Variants in PDE11A observed in about 807,000 individuals in gnomAD.
PDE11A encodes the protein dual 3',5'-cyclic-AMP and -GMP phosphodiesterase 11A.
A neutral mutation model predicts 100.5 loss-of-function variants in PDE11A; 100 were observed. The observed-to-expected ratio is 1.00, with a 90% CI of 0.85 to 1.18. The LOEUF is 1.18. Among genes scored for constraint, PDE11A ranks in the 50% most tolerant of loss-of-function variants. The pLI is 0.00. For missense variants in PDE11A, 1,141 were observed against 1,152.6 expected, an observed-to-expected ratio of 0.99 and a Z score of 0.15; for synonymous variants, 381 against 420.8, an observed-to-expected ratio of 0.91 and a Z score of 1.16.
chr2:177,786,374 A>G (rs1217083682), intron 9 of PDE11A, among the ~76,000 whole-genome samples: 1 of 152,014 alleles, frequency 6.6e-6, no homozygotes, highest in Non-Finnish European at 1.5e-5. Context: ...CATCCACACC[A>G]AAAACCCATC....
At chr2:177,845,530 G>A (rs1318018942) in intron 5 of PDE11A, among the ~76,000 whole-genome samples, 2 of 150,722 alleles carry the variant, frequency 1.3e-5, no homozygotes, top group East Asian at 2.0e-4. Context: ...GGGCGGAGAC[G>A]CTCCTCACTT....
rs554196127 is a variant in PDE11A, at chr2:177,757,400, G to A, written c.1788+11923C>T. The stretch of plus-strand genomic sequence containing the variant: ...CTGATGCCTCCTTCAGAGGCTTGCT[G>A]TTAACATTCAATGAAATAAGAGCTA... On this transcript the variant is annotated intron_variant, in intron 10 of 19. Transcript: ENST00000286063. Among the ~76,000 whole-genome samples, 32 of 152,262 alleles carry A rather than the reference G, an allele frequency of 2.1e-4. No individual in the cohort carries two copies. The Middle Eastern group carries it at 0.01, about 49-fold the overall frequency.
intron 2 of PDE11A, among the ~76,000 whole-genome samples, chr2:177,970,652 C>T (rs2085757571): frequency 6.6e-6 from 1 of 151,968 alleles, no homozygotes; most frequent in African/African-American, 2.4e-5. Flanking sequence ...GTCAAATAAG[C>T]CTAGTGACCT....
intron 1 of PDE11A, among the ~76,000 whole-genome samples, chr2:178,058,507 C>T (rs559945292): frequency 4.6e-5 from 7 of 152,320 alleles, no homozygotes; most frequent in African/African-American, 1.7e-4. Context: ...TCCTCCTTGC[C>T]TTCTGCCAGG....
chr2:177,987,128 C>T (rs1006071348), intron 2 of PDE11A, among the ~76,000 whole-genome samples: 7 of 151,696 alleles, frequency 4.6e-5, no homozygotes, highest in Non-Finnish European at 1.0e-4. Context: ...CAAATATGTC[C>T]CCCACCAGCC....
upstream of PDE11A, among the ~76,000 whole-genome samples, chr2:178,077,260 C>CTTTTTTTTTTTTTTTTTTT (rs57259393): frequency 2.0e-5 from 2 of 98,650 alleles, no homozygotes; most frequent in Non-Finnish European, 1.9e-5. Flanking sequence ...TTCTTTCTTT[C>CTTTTTTTTTTTTTTTTTTT]TTTTTTTTTT....
At chr2:177,990,611 G>A (rs1459114429) in intron 2 of PDE11A, among the ~76,000 whole-genome samples, 1 of 151,832 alleles carries the variant, frequency 6.6e-6, no homozygotes, top group Non-Finnish European at 1.5e-5. Flanking sequence ...GGTAGGGTGG[G>A]CCTGTAATCC....
chr2:177,710,279 G>C (rs1190918673), intron 13 of PDE11A, among the ~76,000 whole-genome samples: 2 of 152,034 alleles, frequency 1.3e-5, no homozygotes, highest in African/African-American at 4.8e-5. Context: ...GTAGGTGGCA[G>C]GGGAGGAAAT....
At chr2:177,761,821 A>G (rs892634765) in intron 10 of PDE11A, among the ~76,000 whole-genome samples, 1 of 152,236 alleles carries the variant, frequency 6.6e-6, no homozygotes, top group Non-Finnish European at 1.5e-5. Flanking sequence ...CATGGGAAAC[A>G]GGCTGGAAAA....
intron 5 of PDE11A, among the ~76,000 whole-genome samples, chr2:177,859,017 G>A (rs2083894658): frequency 6.6e-6 from 1 of 152,042 alleles, no homozygotes; most frequent in Admixed American, 6.6e-5. Flanking sequence ...AACACCGCAT[G>A]TTCTCGCTCA....
At chr2:177,737,349 T>A (rs1425326079) in intron 10 of PDE11A, among the ~76,000 whole-genome samples, 2 of 151,474 alleles carry the variant, frequency 1.3e-5, no homozygotes, top group Admixed American at 6.6e-5. Context: ...GAGGCTGAAG[T>A]GGACAGATCA....
intron 4 of PDE11A, among the ~76,000 whole-genome samples, chr2:177,887,556 T>C (rs1454091295): frequency 2.6e-5 from 4 of 152,046 alleles, no homozygotes; most frequent in African/African-American, 9.7e-5. Flanking sequence ...TTGAGCACAG[T>C]GGTTTGAGAC....
intron 10 of PDE11A, 32 bp from the exon 11 acceptor site, chr2:177,728,204 G>C (rs571975969): frequency 1.2e-6 from 2 of 1,608,664 alleles, no homozygotes; most frequent in East Asian, 4.5e-5. Flanking sequence ...GTCAAGCCAA[G>C]TTCACCAGCT....
At chr2:177,906,598 C>G (rs997059928) in intron 2 of PDE11A, among the ~76,000 whole-genome samples, 2 of 152,122 alleles carry the variant, frequency 1.3e-5, no homozygotes, top group Admixed American at 1.3e-4. Context: ...AGAAGACATA[C>G]AAAAATCAAT....
At chr2:177,893,852 T>C (rs2084569392) in intron 4 of PDE11A, among the ~76,000 whole-genome samples, 1 of 152,204 alleles carries the variant, frequency 6.6e-6, no homozygotes, top group Non-Finnish European at 1.5e-5. Context: ...ATTGAGATCT[T>C]ATATGGATTC....
At chr2:177,663,800 T>G in intron 19 of PDE11A, 66 bp downstream of exon 19, 45 of 925,424 alleles carry the variant, frequency 4.9e-5, no homozygotes, top group Non-Finnish European at 7.6e-5. Flanking sequence ...TGAGTGCTTT[T>G]GAGAAATACA....
chr2:178,095,797 C>A (rs990329794), intron 2 of PDE11A, among the ~76,000 whole-genome samples: 29 of 152,200 alleles, frequency 1.9e-4, no homozygotes, highest in Non-Finnish European at 3.5e-4. Flanking sequence ...TACCTGCAGG[C>A]CCCACACCAC....
At chr2:177,857,574 T>G (rs2083863248) in intron 5 of PDE11A, among the ~76,000 whole-genome samples, 1 of 152,008 alleles carries the variant, frequency 6.6e-6, no homozygotes, top group South Asian at 2.1e-4. Context: ...GGAGCAAAGT[T>G]TTTGTATACT....
At chr2:177,690,807 A>G (rs2081030913) in intron 15 of PDE11A, among the ~76,000 whole-genome samples, 2 of 152,228 alleles carry the variant, frequency 1.3e-5, no homozygotes, top group Non-Finnish European at 2.9e-5. Context: ...TATCTGAATT[A>G]TTGGAAAATT....
Sources: gnomAD v4.1 joint callset for allele counts (sites outside exome capture counted in the v4.1 genomes callset) on GRCh38, gnomAD v4.1.1 for gene constraint, MANE v1.5 for transcripts, NCBI Gene and HGNC (gene_info 2026-07-23, HGNC 2026-07-21) for gene names.